RANBP17: variants seen among roughly 807,000 people sequenced by gnomAD.
RANBP17 encodes RAN binding protein 17.
Under a neutral mutation model 141.2 loss-of-function variants are expected in RANBP17, and 158 were observed. The observed-to-expected ratio is 1.12, with a 90% CI of 0.98 to 1.28. RANBP17 has a LOEUF of 1.28. Among genes scored for constraint, RANBP17 ranks in the 50% most tolerant of loss-of-function variants. The pLI is 0.00. For synonymous variants in RANBP17, 430 were observed against 450.0 expected (o/e 0.96, Z 0.56); for missense variants, 1,438 against 1,290.7 (o/e 1.11, Z -1.75).
intron 14 of RANBP17, among the ~76,000 whole-genome samples, chr5:171,006,284 A>G (rs1418569289): frequency 6.6e-6 from 1 of 152,186 alleles, no homozygotes; most frequent in Non-Finnish European, 1.5e-5. Flanking sequence ...CTGCTATAAA[A>G]ACACATGCAC....
At chr5:170,976,027 A>T (rs79593282) in intron 14 of RANBP17, among the ~76,000 whole-genome samples, 4,093 of 144,008 alleles carry the variant, frequency 0.028, 160 homozygotes, top group African/African-American at 0.092. Flanking sequence ...ATCCAGATTT[A>T]AAAAAAAAAG....
At chr5:171,039,326 T>G (rs1782099235) in intron 14 of RANBP17, among the ~76,000 whole-genome samples, 2 of 151,476 alleles carry the variant, frequency 1.3e-5, no homozygotes, top group African/African-American at 4.9e-5. Flanking sequence ...TCTCTGATGA[T>G]TAGTGATGTT....
intron 14 of RANBP17, among the ~76,000 whole-genome samples, chr5:171,052,063 G>T (rs1782987969): frequency 1.3e-5 from 2 of 152,176 alleles, no homozygotes; most frequent in Non-Finnish European, 2.9e-5. Flanking sequence ...GGAGGATCTG[G>T]ATTTTTAAAT....
At chr5:171,051,352 A>G (rs981821639) in intron 14 of RANBP17, among the ~76,000 whole-genome samples, 1 of 152,164 alleles carries the variant, frequency 6.6e-6, no homozygotes, top group Non-Finnish European at 1.5e-5. Context: ...TCACCACTCC[A>G]GAGAAATACT....
intron 14 of RANBP17, among the ~76,000 whole-genome samples, chr5:170,999,068 A>G (rs1008528129): frequency 2.7e-4 from 41 of 152,134 alleles, no homozygotes; most frequent in African/African-American, 9.7e-4. Context: ...TCATATTGCT[A>G]GTATTGGAGA....
intron 14 of RANBP17, among the ~76,000 whole-genome samples, chr5:171,152,510 A>G (rs1202390478): frequency 6.6e-6 from 1 of 151,558 alleles, no homozygotes; most frequent in Non-Finnish European, 1.5e-5. Context: ...CTTAAACGTC[A>G]CTCTTGTCCT....
intron 14 of RANBP17, among the ~76,000 whole-genome samples, chr5:170,987,163 A>G (rs2127559314): frequency 6.6e-6 from 1 of 151,914 alleles, no homozygotes; most frequent in South Asian, 2.1e-4. Flanking sequence ...TAAATATTTC[A>G]GCATGCCAAA....
At position 171,069,003 on chromosome 5, in the gene RANBP17, CAT is replaced by C. The variant is rs140360943; in HGVS notation, c.1710+100627_1710+100628del. On this transcript the variant is annotated intron_variant, in intron 14 of 27. Coordinates refer to ENST00000523189, the MANE Select transcript of RANBP17 (RefSeq NM_022897.5). ...GATATTTTGCGAAAACTATCCTTGT[CAT>C]GTGTGGTCACTGAGGTCTCTATTTC... Among the ~76,000 whole-genome samples, 823 of 152,270 alleles carry C rather than the reference CAT, an allele frequency of 5.4e-3. 12 individuals are homozygous for C. The highest frequency in any genetic ancestry group is 0.019 in the African/African-American group (791 of 41,548).
intron 3 of RANBP17, among the ~76,000 whole-genome samples, chr5:170,885,791 A>T (rs984913077): frequency 7.2e-5 from 11 of 152,124 alleles, no homozygotes; most frequent in Admixed American, 3.9e-4. Context: ...AAAATGTTTC[A>T]TATGAAAACT....
chr5:170,902,435 A>G (rs547985612), intron 5 of RANBP17, among the ~76,000 whole-genome samples: 1 of 152,238 alleles, frequency 6.6e-6, no homozygotes, highest in African/African-American at 2.4e-5. Context: ...CCTTATTTCA[A>G]GGTTCTTAGC....
chr5:171,243,312 C>T (rs1765005276), intron 24 of RANBP17, among the ~76,000 whole-genome samples: 1 of 152,140 alleles, frequency 6.6e-6, no homozygotes, highest in Admixed American at 6.5e-5. Flanking sequence ...TTTCATTTAG[C>T]ATAGTGACTT....
chr5:171,140,908 C>G (rs899380060), intron 14 of RANBP17, among the ~76,000 whole-genome samples: 2 of 152,160 alleles, frequency 1.3e-5, no homozygotes, highest in Non-Finnish European at 2.9e-5. Context: ...TTCCACACTA[C>G]CTGTGTCTTA....
At chr5:171,058,920 G>A (rs1408291162) in intron 14 of RANBP17, among the ~76,000 whole-genome samples, 1 of 151,586 alleles carries the variant, frequency 6.6e-6, no homozygotes, top group Non-Finnish European at 1.5e-5. Flanking sequence ...CAGTGATGAT[G>A]AGCATTTTTT....
At chr5:171,242,899 C>T (rs1764980934) in intron 24 of RANBP17, 79 bp downstream of exon 24, 1 of 1,320,576 alleles carries the variant, frequency 7.6e-7, no homozygotes, top group African/African-American at 1.5e-5. Flanking sequence ...TTGAGACTAT[C>T]ATCCTACAAA....
chr5:170,944,371 A>G (rs1231405700), intron 12 of RANBP17, among the ~76,000 whole-genome samples: 3 of 152,196 alleles, frequency 2.0e-5, no homozygotes, highest in Non-Finnish European at 4.4e-5. Context: ...GGTTCAAGCT[A>G]TTCTCCCACC....
At chr5:171,251,027 T>C (rs529165188) in intron 24 of RANBP17, among the ~76,000 whole-genome samples, 2 of 152,332 alleles carry the variant, frequency 1.3e-5, no homozygotes, top group South Asian at 4.1e-4. Context: ...ATATACATTC[T>C]TTTCATCGGA....
intron 25 of RANBP17, among the ~76,000 whole-genome samples, chr5:171,267,645 A>G (rs1254952370): frequency 1.3e-5 from 2 of 152,078 alleles, no homozygotes; most frequent in African/African-American, 2.4e-5. Context: ...TGTCTCTACT[A>G]AAAATACAAA....
chr5:171,165,997 A>G (rs1379041026), intron 14 of RANBP17, among the ~76,000 whole-genome samples: 1 of 152,188 alleles, frequency 6.6e-6, no homozygotes, highest in East Asian at 1.9e-4. Flanking sequence ...CCTTTGTTAA[A>G]GAATCATATA....
chr5:171,252,153 G>T, intron 24 of RANBP17: 2 of 1,591,116 alleles, frequency 1.3e-6, no homozygotes, highest in African/African-American at 2.7e-5. Flanking sequence ...GAAAGAAGAT[G>T]AGCTTTTTGA....
Sources: allele counts gnomAD v4.1 joint callset (sites outside exome capture counted in the v4.1 genomes callset), GRCh38; gene constraint gnomAD v4.1.1; transcripts MANE v1.5; gene names NCBI Gene and HGNC (gene_info 2026-07-23, HGNC 2026-07-21).